The following PDZRN3 variants were observed in gnomAD, a reference collection of about 807,000 sequenced individuals.
PDZRN3 encodes PDZ domain containing ring finger 3, also known as E3 ubiquitin-protein ligase PDZRN3.
In PDZRN3, 38 loss-of-function variants were observed where a neutral mutation model predicts 85.7. That is an observed-to-expected ratio of 0.44 (90% CI 0.34 to 0.58). PDZRN3 has a LOEUF of 0.58. PDZRN3 is among the 20% of genes least tolerant of loss of function. The probability of loss-of-function intolerance (pLI) is 0.01; values close to 1 mark genes in which losing one functional copy is unlikely to be tolerated. For synonymous variants in PDZRN3, 759 were observed against 638.0 expected, an observed-to-expected ratio of 1.19 and a Z score of -2.86; for missense variants, 1,629 against 1,506.4, an observed-to-expected ratio of 1.08 and a Z score of -1.35.
intron 3 of PDZRN3, among the ~76,000 whole-genome samples, chr3:73,580,416 T>A (rs886997153): frequency 6.6e-6 from 1 of 152,238 alleles, no homozygotes; most frequent in African/African-American, 2.4e-5. Flanking sequence ...CAGCCAGCTC[T>A]CACAGCCATG....
intron 3 of PDZRN3, among the ~76,000 whole-genome samples, chr3:73,524,173 G>T (rs1704464796): frequency 6.6e-6 from 1 of 152,120 alleles, no homozygotes; most frequent in African/African-American, 2.4e-5. Flanking sequence ...AGAAGGCATG[G>T]CAAGATACCA....
chr3:73,529,689 T>C (rs144538140), intron 3 of PDZRN3, among the ~76,000 whole-genome samples: 424 of 152,350 alleles, frequency 2.8e-3, no homozygotes, highest in African/African-American at 9.6e-3. Context: ...AGGGGCTGGA[T>C]AGAAAGATAA....
At chr3:73,490,332 G>A (rs971837014) in intron 3 of PDZRN3, among the ~76,000 whole-genome samples, 2 of 152,182 alleles carry the variant, frequency 1.3e-5, no homozygotes, top group South Asian at 4.1e-4. Flanking sequence ...CCAAGACCAT[G>A]TACGCCCACT....
At chr3:73,504,573 G>GC (rs1704038121) in intron 3 of PDZRN3, among the ~76,000 whole-genome samples, 1 of 152,162 alleles carries the variant, frequency 6.6e-6, no homozygotes, top group South Asian at 2.1e-4. Context: ...TTCTTGGACA[G>GC]CCATTATTAA....
chr3:73,596,083 G>C (rs571177977), intron 3 of PDZRN3, among the ~76,000 whole-genome samples: 70 of 152,174 alleles, frequency 4.6e-4, no homozygotes, highest in South Asian at 2.1e-3. Context: ...TCTTGTGCCA[G>C]GAAGTAGGAA....
At chr3:73,402,512 T>G (rs916430194) in intron 4 of PDZRN3, 1 of 152,148 alleles carries the variant, frequency 6.6e-6, no homozygotes, top group Non-Finnish European at 1.5e-5. Flanking sequence ...GGGACAGTCA[T>G]GAGAAATGAA....
At chr3:73,436,499 C>G (rs1164816431) in intron 3 of PDZRN3, among the ~76,000 whole-genome samples, 1 of 152,114 alleles carries the variant, frequency 6.6e-6, no homozygotes, top group Non-Finnish European at 1.5e-5. Flanking sequence ...AAGTTGAGGG[C>G]CTTTAAGTTA....
At chr3:73,517,441 C>T (rs1402577852) in intron 3 of PDZRN3, among the ~76,000 whole-genome samples, 2 of 152,112 alleles carry the variant, frequency 1.3e-5, no homozygotes, top group African/African-American at 2.4e-5. Flanking sequence ...CTCTTTGGCA[C>T]CTAAAATTTA....
intron 3 of PDZRN3, among the ~76,000 whole-genome samples, chr3:73,492,581 G>A (rs534818605): frequency 2.6e-5 from 4 of 152,348 alleles, no homozygotes; most frequent in African/African-American, 4.8e-5. Flanking sequence ...CTTCACAGGA[G>A]CTTAGAGAAG....
intron 3 of PDZRN3, among the ~76,000 whole-genome samples, chr3:73,545,282 C>T (rs1286741710): frequency 1.3e-5 from 2 of 152,158 alleles, no homozygotes; most frequent in Non-Finnish European, 2.9e-5. Flanking sequence ...GTGATAATAA[C>T]AGCAACCTCT....
chr3:73,599,416 T>C (rs1328978351), intron 3 of PDZRN3, among the ~76,000 whole-genome samples: 1 of 152,214 alleles, frequency 6.6e-6, no homozygotes, highest in Non-Finnish European at 1.5e-5. Flanking sequence ...TGGTGGTTTC[T>C]AGGAGTTGAG....
Position 73,390,028 on chromosome 3 carries a change from A to G in PDZRN3, c.1354-150T>C. On this transcript the variant is annotated intron_variant, in intron 6 of 9. Coordinates refer to ENST00000263666, the MANE Select transcript of PDZRN3 (RefSeq NM_015009.3). ...AAACAAGACTTAGTGTCGTGCAAGG[A>G]GAGGCAAACATGAGCTGATCTGCTT... 4.5e-6 allele frequency: 3 copies of G among 670,126 alleles called. No homozygotes were observed. The South Asian group carries it at 5.1e-5, about 11-fold the overall frequency. The allele number at this position is 670,126 out of a possible 1,614,324, so 41.5% of individuals were successfully genotyped here. A position where few individuals can be genotyped will look rare whatever the true frequency, so the allele number is the denominator to read the frequency against.
chr3:73,488,392 T>G lies in PDZRN3; in HGVS notation c.919-83997A>C, dbSNP rs191409352. 4.6e-5 allele frequency among the ~76,000 whole-genome samples: 7 copies of G among 152,266 alleles called. No individual in the cohort carries two copies. In the East Asian group the frequency reaches 1.2e-3, roughly 25 times the overall value. The stretch of plus-strand genomic sequence containing the variant: ...CTCCTCCCTAGTCCCCAGGCCCCAG[T>G]CACAAAACCTTCTTTCAGTTTTTCC... On this transcript the variant is annotated intron_variant, in intron 3 of 9. Transcript: ENST00000263666.
At chr3:73,607,925 G>A (rs1702626877) in intron 2 of PDZRN3, among the ~76,000 whole-genome samples, 2 of 152,210 alleles carry the variant, frequency 1.3e-5, no homozygotes, top group South Asian at 4.1e-4. Context: ...ACAAGGAGAT[G>A]GTCAGGAAAA....
intron 3 of PDZRN3, among the ~76,000 whole-genome samples, chr3:73,511,020 A>G (rs570466597): frequency 6.6e-6 from 1 of 152,322 alleles, no homozygotes; most frequent in East Asian, 1.9e-4. Flanking sequence ...ACATGAAAAT[A>G]TGAAGGAAAA....
intron 3 of PDZRN3, among the ~76,000 whole-genome samples, chr3:73,441,433 A>AAAAG (rs1324187618): frequency 6.7e-6 from 1 of 149,886 alleles, no homozygotes; most frequent in African/African-American, 2.5e-5. Context: ...AAAAAAAAAA[A>AAAAG]GTAAAATACA....
intron 3 of PDZRN3, among the ~76,000 whole-genome samples, chr3:73,509,549 T>C (rs1469832035): frequency 6.6e-6 from 1 of 152,172 alleles, no homozygotes; most frequent in Non-Finnish European, 1.5e-5. Context: ...AAAGGGGCGT[T>C]CCCTCAGTAC....
At position 73,383,933 on chromosome 3, in the gene PDZRN3, T is replaced by A. The variant is rs374523645; in HGVS notation, c.2633A>T (p.Gln878Leu). The A allele has an allele frequency of 2.5e-6, 4 of 1,608,054 alleles. No homozygotes were observed. Among genetic ancestry groups the A allele is most frequent in the East Asian group, 4.5e-5 (2 of 44,794 alleles). Reference protein sequence around the residue: ...YKHAHIPAHAQHYQSYMQLIQ... With the variant: ...YKHAHIPAHALHYQSYMQLIQ... ...CAGCTGCATGTAGCTCTGGTAGTGC[T>A]GGGCGTGCGCCGGGATGTGCGCGTG... The change falls in exon 10 of 10, where the codon CAG becomes CTG. Residue 878 changes from glutamine to leucine, a missense_variant. By Grantham distance (113) the Gln-to-Leu change is moderately radical. Transcript: ENST00000263666.
At chr3:73,419,861 T>C (rs1702164670) in intron 3 of PDZRN3, among the ~76,000 whole-genome samples, 1 of 152,212 alleles carries the variant, frequency 6.6e-6, no homozygotes, top group African/African-American at 2.4e-5. Context: ...AAATGTGTAA[T>C]TTGAAAATAT....
Sources: gnomAD v4.1 joint callset for allele counts (sites outside exome capture counted in the v4.1 genomes callset) on GRCh38, gnomAD v4.1.1 for gene constraint, MANE v1.5 for transcripts, NCBI Gene and HGNC (gene_info 2026-07-23, HGNC 2026-07-21) for gene names.